PTGES3: variants seen among roughly 807,000 people sequenced by gnomAD.
PTGES3 encodes prostaglandin E synthase 3.
A neutral mutation model predicts 29.9 loss-of-function variants in PTGES3; 5 were observed. The ratio of observed to expected loss-of-function variants is 0.17; its 90% CI spans 0.09 to 0.35. PTGES3 has a LOEUF of 0.35. PTGES3 is among the 10% of genes least tolerant of loss of function. The pLI, the probability that PTGES3 is intolerant of heterozygous loss-of-function variation, is 1.00. For missense variants in PTGES3, 128 were observed against 190.0 expected, an observed-to-expected ratio of 0.67 and a Z score of 1.92; for synonymous variants, 49 against 57.8, an observed-to-expected ratio of 0.85 and a Z score of 0.69.
intron 5 of PTGES3, among the ~76,000 whole-genome samples, chr12:56,669,745 G>A (rs189198135): frequency 6.6e-6 from 1 of 151,952 alleles, no homozygotes; most frequent in Non-Finnish European, 1.5e-5. Context: ...GAGTAGGTGG[G>A]ACCACAGGTG....
chr12:56,680,701 G>C (rs1291545323), intron 1 of PTGES3, among the ~76,000 whole-genome samples: 1 of 151,870 alleles, frequency 6.6e-6, no homozygotes, highest in Non-Finnish European at 1.5e-5. Context: ...TTTCAAATGA[G>C]GGAATACATA....
chr12:56,677,906 T>C (rs955209783), intron 1 of PTGES3, among the ~76,000 whole-genome samples: 2 of 152,304 alleles, frequency 1.3e-5, no homozygotes, highest in African/African-American at 4.8e-5. Context: ...CTGATACATC[T>C]TGGCACATGA....
intron 1 of PTGES3, among the ~76,000 whole-genome samples, chr12:56,685,961 G>T (rs11171936): frequency 2.0e-5 from 3 of 151,402 alleles, no homozygotes; most frequent in Non-Finnish European, 4.4e-5. Flanking sequence ...ATTTTTAGTA[G>T]AAACGGGGTT....
chr12:56,688,153 G>C lies in PTGES3; in HGVS notation c.-154C>G. 1 of 1,346,614 alleles carries C rather than the reference G, an allele frequency of 7.4e-7. No individual in the cohort carries two copies. 83.4% of individuals were successfully genotyped at this position (1,346,614 alleles called of 1,614,324 possible). On this transcript the variant is annotated 5_prime_UTR_variant, in exon 1 of 8. Transcript: ENST00000262033. ...CCTCAGGCGACGGCGGCAGCGGCGG[G>C]CTCGACCTCGGGCCCCAGAATGCAC...
intron 4 of PTGES3, chr12:56,670,765 CT>C (rs1284633996): frequency 5.8e-6 from 1 of 173,728 alleles, no homozygotes; most frequent in Non-Finnish European, 1.2e-5. Flanking sequence ...ATTTTTTGAA[CT>C]GTGACTTTGT....
At chr12:56,669,433 G>A (rs1209913363) in intron 5 of PTGES3, among the ~76,000 whole-genome samples, 5 of 152,080 alleles carry the variant, frequency 3.3e-5, no homozygotes, top group East Asian at 1.9e-4. Context: ...ACAGGCGCCC[G>A]CCACTGCACC....
intron 5 of PTGES3, among the ~76,000 whole-genome samples, chr12:56,669,969 T>TTA (rs1555217995): frequency 3.7e-5 from 5 of 133,474 alleles, no homozygotes; most frequent in Non-Finnish European, 7.9e-5. Context: ...AATCATGCTT[T>TTA]AAAAAAAAAA....
rs869222252 is a variant in PTGES3 at position 56,674,825 on chromosome 12, C to CAAAAAAAAAAAAAAAAAA, written c.3-1778_3-1761dup. On this transcript the variant is annotated intron_variant, in intron 1 of 7. Transcript: ENST00000262033. ...TGGGCAACAGAGCAAGACTCCATCT[C>CAAAAAAAAAAAAAAAAAA]AAAAAAAAAAAAAAAAAAAAAAAAA... 3.7e-4 allele frequency among the ~76,000 whole-genome samples: 6 copies of CAAAAAAAAAAAAAAAAAA among 16,110 alleles called. 1 individual carries two copies. The highest frequency in any genetic ancestry group is 2.3e-3 in the East Asian group (1 of 432). The allele number at this position is 16,110 out of a possible 152,430, so 10.6% of individuals were successfully genotyped here.
chr12:56,669,005 G>T (rs1366065239), intron 5 of PTGES3, among the ~76,000 whole-genome samples: 2 of 71,392 alleles, frequency 2.8e-5, no homozygotes, highest in Admixed American at 1.7e-4. Context: ...ATTTCACCAT[G>T]AATTTTTTTT....
intron 3 of PTGES3, 68 bp from the exon 4 acceptor site, chr12:56,671,915 C>T: frequency 5.4e-6 from 5 of 921,326 alleles, no homozygotes; most frequent in Non-Finnish European, 7.8e-6. Flanking sequence ...AATAGCTTGT[C>T]ATTTCTCACC....
rs1367495115 is a variant in PTGES3, at chr12:56,673,041, G to A, written c.27C>T (p.Tyr9=). 1.1e-5 allele frequency: 17 copies of A among 1,604,884 alleles called. No homozygotes were observed. Among genetic ancestry groups the A allele is most frequent in the Admixed American group, 5.2e-5 (3 of 57,304 alleles). The part of the protein sequence containing the change: MQPASAKW[Y]DRRDYVFIEF... ...CAATGAAGACATAGTCCCTTCGATC[G>A]TACCACTTTGCAGAAGCAGGCTGCC... is the stretch of plus-strand genomic sequence containing the variant. The change falls in exon 2 of 8, where the codon TAC becomes TAT. Residue 9 remains tyrosine (Y), a synonymous_variant. Transcript: ENST00000262033.
At chr12:56,680,071 G>T (rs1013911225) in intron 1 of PTGES3, among the ~76,000 whole-genome samples, 1 of 147,364 alleles carries the variant, frequency 6.8e-6, no homozygotes, top group Non-Finnish European at 1.5e-5. Flanking sequence ...TTGTTTTATT[G>T]GTTTTGGTTT....
At chr12:56,677,536 A>G (rs1003813472) in intron 1 of PTGES3, among the ~76,000 whole-genome samples, 2 of 152,174 alleles carry the variant, frequency 1.3e-5, no homozygotes, top group Admixed American at 1.3e-4. Flanking sequence ...TATTGGAAAG[A>G]AAAATATATA....
intron 1 of PTGES3, among the ~76,000 whole-genome samples, chr12:56,682,324 T>C (rs1952579432): frequency 6.6e-6 from 1 of 152,106 alleles, no homozygotes; most frequent in African/African-American, 2.4e-5. Context: ...TCTGGGAGGC[T>C]GAGGAGGGAA....
intron 6 of PTGES3, chr12:56,665,031 A>G (rs774559998): frequency 2.0e-6 from 2 of 985,300 alleles, no homozygotes; most frequent in African/African-American, 3.5e-5. Flanking sequence ...TTTGGTGACA[A>G]TTTAGCCCAC....
At chr12:56,683,952 C>A (rs1185600377) in intron 1 of PTGES3, among the ~76,000 whole-genome samples, 2 of 124,390 alleles carry the variant, frequency 1.6e-5, no homozygotes, top group African/African-American at 2.7e-5. Flanking sequence ...AGCGAAACTC[C>A]GTCTCAAAAA....
At chr12:56,684,004 G>GT (rs1952707813) in intron 1 of PTGES3, among the ~76,000 whole-genome samples, 1 of 150,790 alleles carries the variant, frequency 6.6e-6, no homozygotes, top group African/African-American at 2.4e-5. Context: ...CCCCAAAACT[G>GT]TAATTGCCGA....
At position 56,672,185 on chromosome 12, in the gene PTGES3, T is replaced by C. The variant is rs568950530; in HGVS notation, c.187-338A>G. On this transcript the variant is annotated intron_variant, in intron 3 of 7. Transcript: ENST00000262033. ...AACTAAAAATGATATAACCACAGAA[T>C]GGTTTAAAGATTCTATTCTTAGATA... 2.6e-5 allele frequency among the ~76,000 whole-genome samples: 4 copies of C among 152,264 alleles called. No homozygotes were observed. The East Asian group carries it at 7.7e-4, about 29-fold the overall frequency.
chr12:56,669,415 CTGAGA>C (rs1483541477), intron 5 of PTGES3, among the ~76,000 whole-genome samples: 3 of 152,112 alleles, frequency 2.0e-5, no homozygotes, highest in Admixed American at 6.6e-5. Flanking sequence ...TTCTGAGTAG[CTGAGA>C]TTACAGGCGC....
Sources: allele counts gnomAD v4.1 joint callset (sites outside exome capture counted in the v4.1 genomes callset), GRCh38; gene constraint gnomAD v4.1.1; transcripts MANE v1.5; gene names NCBI Gene and HGNC (gene_info 2026-07-23, HGNC 2026-07-21).